The following EIF2B3 variants were observed in gnomAD, a reference collection of about 807,000 sequenced individuals.
EIF2B3 encodes the protein translation initiation factor eIF2B subunit gamma.
EIF2B3 carries 20 observed loss-of-function variants against 54.1 expected under a neutral mutation model. The ratio of observed to expected loss-of-function variants is 0.37; its 90% CI spans 0.26 to 0.54. EIF2B3 has a LOEUF of 0.54. Ranked by LOEUF, EIF2B3 falls within the 20% of genes least tolerant of loss-of-function variation. The probability of loss-of-function intolerance (pLI) is 0.86; values close to 1 mark genes in which losing one functional copy is unlikely to be tolerated. For synonymous variants in EIF2B3, 153 were observed against 188.1 expected, an observed-to-expected ratio of 0.81 and a Z score of 1.52; for missense variants, 448 against 547.8, an observed-to-expected ratio of 0.82 and a Z score of 1.82.
At chr1:44,926,807 G>C in intron 4 of EIF2B3, 68 bp from the exon 5 acceptor site, 1 of 1,298,796 alleles carries the variant, frequency 7.7e-7, no homozygotes, top group Non-Finnish European at 1.1e-6. Flanking sequence ...ATACACCAGG[G>C]AACACAGTAT....
intron 11 of EIF2B3, 42 bp from the exon 12 acceptor site, chr1:44,851,045 A>G: frequency 6.2e-7 from 1 of 1,603,044 alleles, no homozygotes; most frequent in Non-Finnish European, 8.5e-7. Flanking sequence ...AACTGGCAGC[A>G]AGATGACATT....
intron 10 of EIF2B3, among the ~76,000 whole-genome samples, chr1:44,872,530 G>A (rs1654998588): frequency 6.6e-6 from 1 of 152,012 alleles, no homozygotes; most frequent in Non-Finnish European, 1.5e-5. Context: ...TGCGCCTGTA[G>A]TCCTAGCTAC....
intron 9 of EIF2B3, 99 bp downstream of exon 9, chr1:44,875,519 G>A: frequency 9.1e-7 from 1 of 1,095,650 alleles, no homozygotes. Flanking sequence ...TGGGGCTGAT[G>A]AGGTTCAGGA....
chr1:44,872,892 C>T (rs1185258392), intron 10 of EIF2B3, among the ~76,000 whole-genome samples: 3 of 152,162 alleles, frequency 2.0e-5, no homozygotes, highest in African/African-American at 4.8e-5. Flanking sequence ...CTAGCACAAT[C>T]TTAATCAGAG....
chr1:44,978,602 T>A, intron 2 of EIF2B3, 142 bp from the exon 3 acceptor site: 1 of 540,306 alleles, frequency 1.9e-6, no homozygotes, highest in Non-Finnish European at 3.2e-6. Context: ...ATATTTTACC[T>A]GCATTCCCCC....
intron 10 of EIF2B3, among the ~76,000 whole-genome samples, chr1:44,860,889 C>T (rs952110612): frequency 8.5e-5 from 13 of 152,234 alleles, no homozygotes; most frequent in Admixed American, 3.3e-4. Flanking sequence ...GGAAAGAGGA[C>T]ATTCCAAGGA....
chr1:44,951,981 G>A (rs1359305611), intron 3 of EIF2B3, among the ~76,000 whole-genome samples: 1 of 8,400 alleles, frequency 1.2e-4, no homozygotes, highest in African/African-American at 3.5e-4. Flanking sequence ...TTTTTTTTTT[G>A]AGACGGAGTC....
chr1:44,967,650 G>A (rs1453043098), intron 3 of EIF2B3, among the ~76,000 whole-genome samples: 1 of 149,742 alleles, frequency 6.7e-6, no homozygotes, highest in East Asian at 2.0e-4. Context: ...TGAGGCAGGA[G>A]AATCGCTTGA....
At chr1:44,896,164 C>T (rs1655963017) in intron 6 of EIF2B3, among the ~76,000 whole-genome samples, 1 of 152,176 alleles carries the variant, frequency 6.6e-6, no homozygotes, top group South Asian at 2.1e-4. Context: ...GTTGATCTAG[C>T]ACAATGCCTG....
At chr1:44,885,527 T>C (rs973650130) in intron 6 of EIF2B3, among the ~76,000 whole-genome samples, 10 of 152,212 alleles carry the variant, frequency 6.6e-5, no homozygotes, top group African/African-American at 2.4e-4. Flanking sequence ...GATATTCATA[T>C]AATTTCACCC....
chr1:44,978,567 G>T, intron 2 of EIF2B3, 107 bp from the exon 3 acceptor site: 1 of 1,019,738 alleles, frequency 9.8e-7, no homozygotes, highest in Non-Finnish European at 1.4e-6. Flanking sequence ...AATAACAACT[G>T]CTAATATTAT....
At chr1:44,873,274 C>T (rs1573695084) in intron 10 of EIF2B3, among the ~76,000 whole-genome samples, 1 of 152,298 alleles carries the variant, frequency 6.6e-6, no homozygotes, top group East Asian at 1.9e-4. Context: ...TTCCTCATTT[C>T]CCTCTTCCCA....
At chr1:44,924,186 C>A (rs972031402) in intron 5 of EIF2B3, among the ~76,000 whole-genome samples, 3 of 151,908 alleles carry the variant, frequency 2.0e-5, no homozygotes, top group Non-Finnish European at 4.4e-5. Flanking sequence ...GTGATCCCCC[C>A]GCCTAGGCCT....
At chr1:44,968,193 G>A (rs184436661) in intron 3 of EIF2B3, among the ~76,000 whole-genome samples, 397 of 151,860 alleles carry the variant, frequency 2.6e-3, no homozygotes, top group Admixed American at 3.9e-3. Context: ...GCAAAACCCT[G>A]TCTCTGCAAA....
At chr1:44,873,822 G>C (rs1001311222) in intron 10 of EIF2B3, among the ~76,000 whole-genome samples, 4 of 132,816 alleles carry the variant, frequency 3.0e-5, no homozygotes, top group Non-Finnish European at 5.0e-5. Context: ...TTTTTTTTTT[G>C]TATTTTTAGT....
chr1:44,936,596 A>C (rs1030619385), intron 4 of EIF2B3, among the ~76,000 whole-genome samples: 2 of 152,048 alleles, frequency 1.3e-5, no homozygotes, highest in East Asian at 3.9e-4. Context: ...GTCTCAAAAA[A>C]AGTTACATGT....
chr1:44,949,654 G>A (rs569099154), intron 3 of EIF2B3, among the ~76,000 whole-genome samples: 13 of 152,282 alleles, frequency 8.5e-5, no homozygotes, highest in African/African-American at 2.6e-4. Context: ...AAGAAGGTAG[G>A]AAATGAACCT....
intron 4 of EIF2B3, among the ~76,000 whole-genome samples, chr1:44,928,632 T>C (rs1643873500): frequency 6.6e-6 from 1 of 152,102 alleles, no homozygotes; most frequent in Admixed American, 6.6e-5. Flanking sequence ...GATTCTATGC[T>C]ATGTATAGTC....
intron 2 of EIF2B3, among the ~76,000 whole-genome samples, chr1:44,980,046 A>T (rs747838821): frequency 6.6e-6 from 1 of 152,176 alleles, no homozygotes; most frequent in Non-Finnish European, 1.5e-5. Context: ...AATGGAATGA[A>T]CACTGGATCA....
Sources: allele counts gnomAD v4.1 joint callset (sites outside exome capture counted in the v4.1 genomes callset), GRCh38; gene constraint gnomAD v4.1.1; transcripts MANE v1.5; gene names NCBI Gene and HGNC (gene_info 2026-07-23, HGNC 2026-07-21).